Variants in CLVS1 observed in about 807,000 individuals in gnomAD.
The protein encoded by CLVS1 is clavesin 1, also known as clavesin-1.
In CLVS1, 10 loss-of-function variants were observed where a neutral mutation model predicts 33.1. The observed-to-expected ratio is 0.30, with a 90% CI of 0.19 to 0.51. CLVS1 has a LOEUF of 0.51. CLVS1 is among the 20% of genes least tolerant of loss of function. The probability of loss-of-function intolerance (pLI) is 0.97; values close to 1 mark genes in which losing one functional copy is unlikely to be tolerated. For missense variants in CLVS1, 343 were observed against 433.4 expected, an observed-to-expected ratio of 0.79 and a Z score of 1.85; for synonymous variants, 163 against 166.1, an observed-to-expected ratio of 0.98 and a Z score of 0.14.
At chr8:61,060,800 C>T (rs370870173) in intron 1 of CLVS1, among the ~76,000 whole-genome samples, 7 of 152,160 alleles carry the variant, frequency 4.6e-5, no homozygotes, top group South Asian at 2.1e-4. Context: ...GGTTAACAAA[C>T]GTGCCCGAGG....
chr8:61,003,616 T>G, the CLVS1 span, among the ~76,000 whole-genome samples: 1 of 152,258 alleles, frequency 6.6e-6, no homozygotes, highest in Non-Finnish European at 1.5e-5. Flanking sequence ...AATCCTGAAC[T>G]GGTCCGTCTT....
At chr8:60,979,784 G>A in the CLVS1 span, among the ~76,000 whole-genome samples, 1 of 152,170 alleles carries the variant, frequency 6.6e-6, no homozygotes, top group Admixed American at 6.5e-5. Flanking sequence ...CTAGGGAGAG[G>A]TTGTCACACT....
At chr8:60,985,391 G>T in the CLVS1 span, among the ~76,000 whole-genome samples, 8,103 of 152,102 alleles carry the variant, frequency 0.053, 457 homozygotes, top group African/African-American at 0.14. Context: ...CACCTTGATC[G>T]CCACTGGTCC....
chr8:61,298,191 G>T (rs1011643370), intron 1 of CLVS1, among the ~76,000 whole-genome samples: 1 of 152,098 alleles, frequency 6.6e-6, no homozygotes, highest in Non-Finnish European at 1.5e-5. Flanking sequence ...TTTGGAGAAG[G>T]AATTTTAACA....
chr8:61,338,149 C>T (rs997339737), intron 2 of CLVS1, among the ~76,000 whole-genome samples: 8 of 152,254 alleles, frequency 5.3e-5, no homozygotes, highest in East Asian at 1.9e-4. Flanking sequence ...TCTTCTCTCA[C>T]TTTATTTTGT....
intron 2 of CLVS1, among the ~76,000 whole-genome samples, chr8:61,160,757 C>G (rs1469051080): frequency 6.6e-6 from 1 of 152,050 alleles, no homozygotes; most frequent in Admixed American, 6.6e-5. Flanking sequence ...TGACAAACAC[C>G]CTTTACTTGA....
chr8:61,234,933 G>A (rs1046778143), intron 2 of CLVS1, among the ~76,000 whole-genome samples: 1 of 152,174 alleles, frequency 6.6e-6, no homozygotes, highest in African/African-American at 2.4e-5. Flanking sequence ...TACGGAGCAG[G>A]CTGTCTTCTT....
chr8:61,222,300 CT>C (rs1808233994), intron 2 of CLVS1, among the ~76,000 whole-genome samples: 1 of 151,958 alleles, frequency 6.6e-6, no homozygotes, highest in Non-Finnish European at 1.5e-5. Context: ...ATTTTTCTGG[CT>C]TTCTGATATG....
the CLVS1 span, among the ~76,000 whole-genome samples, chr8:61,041,734 C>T: frequency 0.19 from 29,532 of 152,052 alleles, 3,925 homozygotes; most frequent in African/African-American, 0.38. Flanking sequence ...TGACACTTTA[C>T]TGAAGTCATT....
intron 5 of CLVS1, among the ~76,000 whole-genome samples, chr8:61,472,108 C>T (rs533320989): frequency 6.6e-6 from 1 of 152,370 alleles, no homozygotes; most frequent in Non-Finnish European, 1.5e-5. Context: ...GCTTGTCCCC[C>T]TCCCCATGCC....
intron 1 of CLVS1, among the ~76,000 whole-genome samples, chr8:61,068,186 T>C (rs201174862): frequency 1.5e-5 from 2 of 134,390 alleles, no homozygotes; most frequent in East Asian, 4.4e-4. Context: ...TAAAAGAATA[T>C]ATATGTGTAT....
chr8:61,395,297 G>T (rs1814478415), intron 3 of CLVS1, among the ~76,000 whole-genome samples: 1 of 152,154 alleles, frequency 6.6e-6, no homozygotes, highest in South Asian at 2.1e-4. Context: ...CCAGAGGCTG[G>T]GGGAGAGGGG....
chr8:61,065,531 C>A (rs892924273), intron 1 of CLVS1, among the ~76,000 whole-genome samples: 2 of 152,166 alleles, frequency 1.3e-5, no homozygotes, highest in African/African-American at 2.4e-5. Context: ...AACTAAGGAG[C>A]AGACACATTT....
the CLVS1 span, among the ~76,000 whole-genome samples, chr8:61,024,276 C>T: frequency 6.6e-6 from 1 of 152,128 alleles, no homozygotes; most frequent in Admixed American, 6.5e-5. Context: ...TTCTTAGTGG[C>T]AGGTTTCCAT....
intron 2 of CLVS1, among the ~76,000 whole-genome samples, chr8:61,317,378 T>A (rs1328902907): frequency 6.6e-6 from 1 of 152,210 alleles, no homozygotes; most frequent in Non-Finnish European, 1.5e-5. Flanking sequence ...TCATGATAGT[T>A]TAAAATTCAA....
At chr8:61,409,928 G>C (rs1225848962) in intron 3 of CLVS1, among the ~76,000 whole-genome samples, 1 of 151,778 alleles carries the variant, frequency 6.6e-6, no homozygotes, top group Non-Finnish European at 1.5e-5. Context: ...TTTTTGTTTT[G>C]CTAATTTTTT....
chr8:61,323,111 C>T (rs16927178), intron 2 of CLVS1, among the ~76,000 whole-genome samples: 14,203 of 152,026 alleles, frequency 0.093, 1,747 homozygotes, highest in African/African-American at 0.27. Context: ...GTATGTTGAC[C>T]AGGTGGCTTT....
intron 2 of CLVS1, among the ~76,000 whole-genome samples, chr8:61,188,448 CAGAT>C (rs768616538): frequency 1.3e-5 from 2 of 151,470 alleles, no homozygotes; most frequent in East Asian, 3.9e-4. Context: ...AGACAACAGA[CAGAT>C]AGAGAAAAAG....
In CLVS1 at chr8:61,332,330, C is replaced by T. The variant is rs114717662; in HGVS notation, c.455+32048C>T. On this transcript the variant is annotated intron_variant, in intron 2 of 5. Coordinates refer to ENST00000325897, the MANE Select transcript of CLVS1 (RefSeq NM_173519.3). ...TCTGCTGGGTGGGATCTGGGTGTTG[C>T]GCTGCTCCTTTAAACCCTTCCATGG... Among the ~76,000 whole-genome samples, 761 of 152,218 alleles carry T rather than the reference C, an allele frequency of 5.0e-3. 6 individuals are homozygous for T. Among genetic ancestry groups the T allele is most frequent in the African/African-American group, 0.017 (706 of 41,530 alleles).
Sources: allele counts gnomAD v4.1 joint callset (sites outside exome capture counted in the v4.1 genomes callset), GRCh38; gene constraint gnomAD v4.1.1; transcripts MANE v1.5; gene names NCBI Gene and HGNC (gene_info 2026-07-23, HGNC 2026-07-21).